The following SEPTIN9 variants were observed in gnomAD, a reference collection of about 807,000 sequenced individuals.
SEPTIN9 encodes the protein septin-9.
A neutral mutation model predicts 56.6 loss-of-function variants in SEPTIN9; 13 were observed. The ratio of observed to expected loss-of-function variants is 0.23; its 90% CI spans 0.15 to 0.37. The LOEUF is 0.37. Among genes scored for constraint, SEPTIN9 ranks in the 10% least tolerant of loss-of-function variants. The pLI, the probability that SEPTIN9 is intolerant of heterozygous loss-of-function variation, is 1.00. For missense variants in SEPTIN9, 650 were observed against 823.1 expected (o/e 0.79, Z 2.57); for synonymous variants, 332 against 334.1 (o/e 0.99, Z 0.07).
chr17:77,417,979 G>A (rs1267502557), intron 3 of SEPTIN9, among the ~76,000 whole-genome samples: 1 of 152,200 alleles, frequency 6.6e-6, no homozygotes, highest in African/African-American at 2.4e-5. Context: ...TCCAGTGGCG[G>A]CCTCCTACCT....
rs1275437081 is a variant in SEPTIN9, at chr17:77,453,576, G to C, written c.722-28568G>C. On this transcript the variant is annotated intron_variant, in intron 3 of 11. Coordinates refer to ENST00000427177, the MANE Select transcript of SEPTIN9 (RefSeq NM_001113491.2). This position sits in a 1 kb window ranked among gnomAD's most constrained non-coding sequence, Gnocchi z 4.4. The stretch of plus-strand genomic sequence containing the variant: ...GCTGAGATTGTGCTACTGCACTCCA[G>C]TCTGGGCAACAAGAGTGAAACTCTG... Among the ~76,000 whole-genome samples the C allele has an allele frequency of 6.7e-6, 1 of 150,310 alleles. No individual in the cohort carries two copies. The highest frequency in any genetic ancestry group is 1.5e-5 in the Non-Finnish European group (1 of 67,830).
chr17:77,305,895 AGTGGGTGGGTGG>A, intron 1 of SEPTIN9, among the ~76,000 whole-genome samples: 1 of 31,152 alleles, frequency 3.2e-5, no homozygotes, highest in Non-Finnish European at 6.2e-5. Context: ...AGGAAGGATG[AGTGGGTGGGTGG>A]GGGGGTGGGT....
At chr17:77,431,483 A>G (rs765508817) in intron 3 of SEPTIN9, among the ~76,000 whole-genome samples, 2 of 152,208 alleles carry the variant, frequency 1.3e-5, no homozygotes, top group Middle Eastern at 3.2e-3. Flanking sequence ...CTTTTTCTAC[A>G]TAGACACTCA....
rs2040387966 is a variant in SEPTIN9, at chr17:77,498,754, C to T, written c.*96C>T. The T allele has an allele frequency of 1.4e-6, 1 of 704,188 alleles. No individual in the cohort carries two copies. The highest frequency in any genetic ancestry group is 2.3e-6 in the Non-Finnish European group (1 of 431,764). 43.6% of individuals were successfully genotyped at this position (704,188 alleles called of 1,614,324 possible). ...CCCATTTTATTTTATATGATTTTCTCCATTTGTCATCGTTCCCCACCCCTT... is the reference window on the plus strand; with the variant it reads ...CCCATTTTATTTTATATGATTTTCTTCATTTGTCATCGTTCCCCACCCCTT... On this transcript the variant is annotated 3_prime_UTR_variant, in exon 12 of 12. Transcript: ENST00000427177.
At chr17:77,291,486 G>A (rs2031552222) in intron 1 of SEPTIN9, among the ~76,000 whole-genome samples, 1 of 152,000 alleles carries the variant, frequency 6.6e-6, no homozygotes, top group African/African-American at 2.4e-5. Flanking sequence ...TACAAAATTA[G>A]CTGGGCATGG....
intron 3 of SEPTIN9, among the ~76,000 whole-genome samples, chr17:77,414,169 C>T (rs2036408256): frequency 6.6e-6 from 1 of 152,120 alleles, no homozygotes; most frequent in Non-Finnish European, 1.5e-5. Context: ...ACCTCCGCCT[C>T]CTGGGTTCAA....
At chr17:77,477,732 A>G (rs2039279881) in intron 3 of SEPTIN9, among the ~76,000 whole-genome samples, 1 of 152,196 alleles carries the variant, frequency 6.6e-6, no homozygotes, top group Non-Finnish European at 1.5e-5. Context: ...ACTTTGAGCC[A>G]GAAACCAGAG....
At chr17:77,399,147 A>G (rs1357620000) in intron 2 of SEPTIN9, among the ~76,000 whole-genome samples, 1 of 152,168 alleles carries the variant, frequency 6.6e-6, no homozygotes, top group African/African-American at 2.4e-5. Flanking sequence ...GGAATAAATC[A>G]TTGCATCCGC....
chr17:77,373,066 G>A (rs1012409589), intron 2 of SEPTIN9: 18 of 460,602 alleles, frequency 3.9e-5, no homozygotes, highest in Non-Finnish European at 4.6e-5. Context: ...GCAGCGGGGC[G>A]CCCGGGGGGA....
chr17:77,414,315 TCCAC>T (rs966166319), intron 3 of SEPTIN9, among the ~76,000 whole-genome samples: 4 of 152,002 alleles, frequency 2.6e-5, no homozygotes, highest in African/African-American at 9.7e-5. Flanking sequence ...CCTCAGGTGA[TCCAC>T]CCGCCTCAGC....
At position 77,434,382 on chromosome 17, in the gene SEPTIN9, G is replaced by T. The variant is rs948627936; in HGVS notation, c.721+31679G>T. Among the ~76,000 whole-genome samples the T allele has an allele frequency of 4.6e-5, 7 of 152,198 alleles. No individual in the cohort carries two copies. Among genetic ancestry groups the T allele is most frequent in the African/African-American group, 1.7e-4 (7 of 41,454 alleles). On this transcript the variant is annotated intron_variant, in intron 3 of 11. Coordinates refer to ENST00000427177, the MANE Select transcript of SEPTIN9 (RefSeq NM_001113491.2). This position sits in a 1 kb window ranked among gnomAD's most constrained non-coding sequence, Gnocchi z 5.0. The stretch of plus-strand genomic sequence containing the variant: ...GGCGTCCGCACAGGGTCTGCTGGTG[G>T]GTGGCTGAGGCTGCGGTGAGGTCTC...
chr17:77,407,336 G>A (rs1042212717), intron 3 of SEPTIN9, among the ~76,000 whole-genome samples: 5 of 150,010 alleles, frequency 3.3e-5, no homozygotes, highest in African/African-American at 4.9e-5. Context: ...TAAGTGACTT[G>A]GACATAATAG....
rs1278966583 is a variant in SEPTIN9 at position 77,449,571 on chromosome 17, A to C, written c.722-32573A>C. 6.6e-6 allele frequency among the ~76,000 whole-genome samples: 1 copy of C among 152,098 alleles called. No individual in the cohort carries two copies. The highest frequency in any genetic ancestry group is 1.5e-5 in the Non-Finnish European group (1 of 67,992). ...AGGAAGAAGGGTTCTGCCCACGGGG[A>C]GGGAGAGGCCCACGGGGCAGGGGCG... is the stretch of plus-strand genomic sequence containing the variant. On this transcript the variant is annotated intron_variant, in intron 3 of 11. Coordinates refer to ENST00000427177, the MANE Select transcript of SEPTIN9 (RefSeq NM_001113491.2). This position sits in a 1 kb window ranked among gnomAD's most constrained non-coding sequence, Gnocchi z 4.6.
At chr17:77,493,509 G>A (rs775377027) in intron 10 of SEPTIN9, among the ~76,000 whole-genome samples, 1 of 152,182 alleles carries the variant, frequency 6.6e-6, no homozygotes, top group African/African-American at 2.4e-5. Flanking sequence ...AGTCTCTTGA[G>A]TGGCTGTTGT....
intron 6 of SEPTIN9, 96 bp downstream of exon 6, chr17:77,488,417 G>T (rs923619983): frequency 8.6e-7 from 1 of 1,162,910 alleles, no homozygotes; most frequent in Non-Finnish European, 1.3e-6. Flanking sequence ...GCCCGCGGGG[G>T]TGCAGGGCCC....
chr17:77,291,391 T>A, intron 1 of SEPTIN9, among the ~76,000 whole-genome samples: 1 of 150,234 alleles, frequency 6.7e-6, no homozygotes, highest in East Asian at 2.1e-4. Context: ...CTCATGCCTG[T>A]AATCCTAGCA....
chr17:77,458,230 G>T (rs922671364), intron 3 of SEPTIN9, among the ~76,000 whole-genome samples: 1 of 152,196 alleles, frequency 6.6e-6, no homozygotes, highest in African/African-American at 2.4e-5. Context: ...CCCGTGCACA[G>T]CCCAGTGCAG....
intron 2 of SEPTIN9, among the ~76,000 whole-genome samples, chr17:77,381,730 G>A (rs2035151037): frequency 6.6e-6 from 1 of 152,212 alleles, no homozygotes; most frequent in Non-Finnish European, 1.5e-5. Context: ...CACGGTGAGA[G>A]GTGCTCCTTG....
intron 3 of SEPTIN9, chr17:77,444,710 C>T (rs1183308717): frequency 5.1e-6 from 1 of 196,868 alleles, no homozygotes; most frequent in Non-Finnish European, 1.1e-5. Context: ...GCGTGTCAGG[C>T]ACTGCCCTCG....
Sources: gnomAD v4.1 joint callset for allele counts (sites outside exome capture counted in the v4.1 genomes callset) on GRCh38, gnomAD v4.1.1 for gene constraint, Gnocchi (gnomAD v3.1) non-coding constraint, MANE v1.5 for transcripts, NCBI Gene and HGNC (gene_info 2026-07-23, HGNC 2026-07-21) for gene names.